IL1RAPL2: variants seen among roughly 807,000 people sequenced by gnomAD.
IL1RAPL2 encodes the protein X-linked interleukin-1 receptor accessory protein-like 2.
A neutral mutation model predicts 44.1 loss-of-function variants in IL1RAPL2; 3 were observed. The observed-to-expected ratio is 0.07, with a 90% CI of 0.03 to 0.18. IL1RAPL2 has a LOEUF of 0.18. Among genes scored for constraint, IL1RAPL2 ranks in the 10% least tolerant of loss-of-function variants. IL1RAPL2 has a pLI of 1.00. For synonymous variants in IL1RAPL2, 181 were observed against 178.8 expected (o/e 1.01, Z -0.10); for missense variants, 391 against 496.4 (o/e 0.79, Z 2.02).
intron 2 of IL1RAPL2, among the ~76,000 whole-genome samples, chrX:105,088,219 T>G (rs933708339): frequency 1.8e-5 from 2 of 111,079 alleles, no homozygotes; most frequent in Admixed American, 1.9e-4. Flanking sequence ...ATCTAAAGAG[T>G]ACAGTATATA....
At chrX:104,885,960 G>C (rs1923229965) in intron 2 of IL1RAPL2, among the ~76,000 whole-genome samples, 2 of 112,851 alleles carry the variant, frequency 1.8e-5, no homozygotes, top group Admixed American at 1.9e-4. Flanking sequence ...GCCCGGGCAA[G>C]CGCCAGCTCA....
chrX:105,219,583 GC>G, intron 3 of IL1RAPL2: 2 of 1,209,944 alleles, frequency 1.7e-6, no homozygotes, highest in South Asian at 3.5e-5. Flanking sequence ...CACAGGGGCA[GC>G]CACAACCTCC....
chrX:105,276,276 C>G (rs887920974), intron 5 of IL1RAPL2, among the ~76,000 whole-genome samples: 1 of 111,703 alleles, frequency 9.0e-6, no homozygotes, highest in Non-Finnish European at 1.9e-5. Flanking sequence ...GGCGTGGTGG[C>G]GAATGCCTGT....
intron 5 of IL1RAPL2, among the ~76,000 whole-genome samples, chrX:105,455,274 CTG>C (rs1211617665): frequency 8.9e-6 from 1 of 112,077 alleles, no homozygotes; most frequent in Non-Finnish European, 1.9e-5. Flanking sequence ...TGTAGGTTGT[CTG>C]TTCACTCTGT....
At chrX:105,250,135 T>C (rs1217554422) in intron 4 of IL1RAPL2, among the ~76,000 whole-genome samples, 1 of 111,406 alleles carries the variant, frequency 9.0e-6, no homozygotes, top group Non-Finnish European at 1.9e-5. Flanking sequence ...CTTAGAACTA[T>C]ATGACATTCT....
chrX:105,472,280 G>T (rs1343808443), intron 5 of IL1RAPL2, among the ~76,000 whole-genome samples: 1 of 111,789 alleles, frequency 8.9e-6, no homozygotes, highest in Non-Finnish European at 1.9e-5. Flanking sequence ...TATATCAGGA[G>T]ATGAATGATA....
chrX:104,875,509 T>A (rs954639162), intron 2 of IL1RAPL2, among the ~76,000 whole-genome samples: 2 of 111,818 alleles, frequency 1.8e-5, no homozygotes, highest in Non-Finnish European at 3.8e-5. Context: ...TTGTGTATGT[T>A]GTTGTTCTAT....
chrX:105,342,388 T>G (rs1437894494), intron 5 of IL1RAPL2, among the ~76,000 whole-genome samples: 1 of 112,463 alleles, frequency 8.9e-6, no homozygotes, highest in Non-Finnish European at 1.9e-5. Flanking sequence ...TAGAAAGGTC[T>G]ATACTGAACT....
chrX:105,253,427 C>T (rs1681294820), intron 4 of IL1RAPL2, among the ~76,000 whole-genome samples: 3 of 111,621 alleles, frequency 2.7e-5, no homozygotes, highest in African/African-American at 9.8e-5. Flanking sequence ...GCTTCCATCT[C>T]TCTGCTTACA....
intron 5 of IL1RAPL2, among the ~76,000 whole-genome samples, chrX:105,458,765 C>A (rs965397743): frequency 1.8e-5 from 2 of 111,930 alleles, no homozygotes; most frequent in African/African-American, 6.5e-5. Flanking sequence ...TTGACTAATT[C>A]TCTGTGAATA....
rs765213920 is a variant in IL1RAPL2, at chrX:104,957,162, G to T, written c.83-238313G>T. 1.1e-3 allele frequency among the ~76,000 whole-genome samples: 128 copies of T among 112,626 alleles called. 1 individual carries two copies. The highest frequency in any genetic ancestry group is 4.0e-3 in the African/African-American group (124 of 31,042). ...TACCCAGAGGGGTTTCCCCATGAAT[G>T]AAGTGGGCAGAGCTAACAGTCTAAG... On this transcript the variant is annotated intron_variant, in intron 2 of 10. Coordinates refer to ENST00000372582, the MANE Select transcript of IL1RAPL2 (RefSeq NM_017416.2).
At chrX:105,087,444 G>C (rs1164277498) in intron 2 of IL1RAPL2, among the ~76,000 whole-genome samples, 1 of 111,965 alleles carries the variant, frequency 8.9e-6, no homozygotes, top group African/African-American at 3.2e-5. Flanking sequence ...GATTAAAACA[G>C]ATCAAAATTA....
At chrX:105,446,654 A>G (rs1372710874) in intron 5 of IL1RAPL2, among the ~76,000 whole-genome samples, 3 of 111,216 alleles carry the variant, frequency 2.7e-5, no homozygotes, top group Non-Finnish European at 3.8e-5. Flanking sequence ...CTGATTGCAT[A>G]AACAAAGAAA....
intron 2 of IL1RAPL2, among the ~76,000 whole-genome samples, chrX:104,850,043 A>G (rs1018538276): frequency 8.9e-6 from 1 of 111,746 alleles, no homozygotes; most frequent in Non-Finnish European, 1.9e-5. Flanking sequence ...GTAAAACATG[A>G]TAATACAAAC....
chrX:105,019,285 A>G (rs979258918), intron 2 of IL1RAPL2, among the ~76,000 whole-genome samples: 1 of 111,724 alleles, frequency 9.0e-6, no homozygotes, highest in African/African-American at 3.2e-5. Flanking sequence ...GAAGAAAACC[A>G]TACCTTCAAC....
chrX:105,556,286 T>TAAATG (rs1265831493), intron 6 of IL1RAPL2, among the ~76,000 whole-genome samples: 4 of 111,883 alleles, frequency 3.6e-5, no homozygotes, highest in Non-Finnish European at 5.7e-5. Context: ...GTAATTTTAT[T>TAAATG]AAATGACTTA....
At chrX:105,269,704 T>G (rs189899589) in intron 5 of IL1RAPL2, among the ~76,000 whole-genome samples, 1 of 111,840 alleles carries the variant, frequency 8.9e-6, no homozygotes, top group East Asian at 2.8e-4. Flanking sequence ...GACCTGACCA[T>G]GCACAAAGCG....
Position 104,952,254 on chromosome X carries a change from T to C in IL1RAPL2, c.83-243221T>C, listed in dbSNP as rs140556649. ...ACATTTTTTAAAAAGTAAACTTTGC[T>C]TTACTCTGAAGTGACTCACTTTAAA... On this transcript the variant is annotated intron_variant, in intron 2 of 10. Coordinates refer to ENST00000372582, the MANE Select transcript of IL1RAPL2 (RefSeq NM_017416.2). Among the ~76,000 whole-genome samples the C allele has an allele frequency of 8.3e-3, 933 of 112,091 alleles. 9 individuals are homozygous for C. The highest frequency in any genetic ancestry group is 0.029 in the African/African-American group (893 of 30,917).
intron 2 of IL1RAPL2, among the ~76,000 whole-genome samples, chrX:104,861,026 C>T (rs954055996): frequency 1.8e-5 from 2 of 110,784 alleles, no homozygotes; most frequent in Non-Finnish European, 3.8e-5. Context: ...TAGTATTTTC[C>T]GCCATTACTC....
Sources: allele counts gnomAD v4.1 joint callset (sites outside exome capture counted in the v4.1 genomes callset), GRCh38; gene constraint gnomAD v4.1.1; transcripts MANE v1.5; gene names NCBI Gene and HGNC (gene_info 2026-07-23, HGNC 2026-07-21).